NRXN1: variants seen among roughly 807,000 people sequenced by gnomAD.
NRXN1 encodes neurexin 1, also known as neurexin-1.
In NRXN1, 39 loss-of-function variants were observed where a neutral mutation model predicts 150.9. That is an observed-to-expected ratio of 0.26 (90% CI 0.20 to 0.34). NRXN1 has a LOEUF of 0.34. Among genes scored for constraint, NRXN1 ranks in the 10% least tolerant of loss-of-function variants. The pLI, the probability that NRXN1 is intolerant of heterozygous loss-of-function variation, is 1.00. For missense variants in NRXN1, 1,815 were observed against 1,949.9 expected, an observed-to-expected ratio of 0.93 and a Z score of 1.30; for synonymous variants, 924 against 757.0, an observed-to-expected ratio of 1.22 and a Z score of -3.62.
intron 17 of NRXN1, among the ~76,000 whole-genome samples, chr2:50,442,662 A>C (rs554095200): frequency 6.6e-6 from 1 of 152,312 alleles, no homozygotes; most frequent in Admixed American, 6.5e-5. Context: ...TGACAGAAAT[A>C]TCAGAGTTAC....
chr2:50,697,479 C>G (rs1314715284), intron 5 of NRXN1, among the ~76,000 whole-genome samples: 1 of 152,138 alleles, frequency 6.6e-6, no homozygotes. Context: ...TTTAATCAGA[C>G]TGAAAGGAAA....
chr2:49,972,674 T>G (rs1678161068), intron 21 of NRXN1: 1 of 152,172 alleles, frequency 6.6e-6, no homozygotes, highest in African/African-American at 2.4e-5. Context: ...AACACACCAT[T>G]TGTAATCTGG....
chr2:50,718,349 C>A (rs1696145176), intron 5 of NRXN1, among the ~76,000 whole-genome samples: 1 of 152,014 alleles, frequency 6.6e-6, no homozygotes, highest in African/African-American at 2.4e-5. Flanking sequence ...TGTGGATCGA[C>A]ACAAATAACA....
At chr2:50,904,426 A>G (rs1683376513) in intron 5 of NRXN1, among the ~76,000 whole-genome samples, 2 of 152,118 alleles carry the variant, frequency 1.3e-5, no homozygotes, top group South Asian at 4.1e-4. Flanking sequence ...ATCCAAGTTC[A>G]TATTTGGGAA....
chr2:50,148,191 T>C lies in NRXN1; in HGVS notation c.3547-56697A>G, dbSNP rs149987115. Among the ~76,000 whole-genome samples, 626 of 151,758 alleles carry C rather than the reference T, an allele frequency of 4.1e-3. 5 individuals carry two copies. The highest frequency in any genetic ancestry group is 0.014 in the African/African-American group (597 of 41,464). Reference sequence around the variant, plus strand: ...TAATTTTTTTTTAAGTTGTAAGTCATTTGCAACCTAGACACTTACAGAGAT... The same window carrying C: ...TAATTTTTTTTTAAGTTGTAAGTCACTTGCAACCTAGACACTTACAGAGAT... On this transcript the variant is annotated intron_variant, in intron 18 of 22. Coordinates refer to ENST00000401669, the MANE Select transcript of NRXN1 (RefSeq NM_001330078.2).
chr2:50,402,397 T>C lies in NRXN1; in HGVS notation c.3364+63045A>G, dbSNP rs79397746. ...TAAAAACCTTTGCTTCAATGTAAAG[T>C]ATGTTGAACTGTTTCCAATGATGAA... On this transcript the variant is annotated intron_variant, in intron 17 of 22. Coordinates refer to ENST00000401669, the MANE Select transcript of NRXN1 (RefSeq NM_001330078.2). Among the ~76,000 whole-genome samples the C allele has an allele frequency of 2.7e-3, 413 of 152,236 alleles. 2 individuals are homozygous for C. Among genetic ancestry groups the C allele is most frequent in the African/African-American group, 9.5e-3 (393 of 41,566 alleles).
chr2:50,237,647 C>T (rs1426436095), intron 17 of NRXN1, among the ~76,000 whole-genome samples: 1 of 151,738 alleles, frequency 6.6e-6, no homozygotes, highest in Non-Finnish European at 1.5e-5. Flanking sequence ...GAATACAAGC[C>T]TTATAGCACT....
chr2:50,081,734 A>G (rs149323259), intron 19 of NRXN1, among the ~76,000 whole-genome samples: 122 of 152,316 alleles, frequency 8.0e-4, no homozygotes, highest in African/African-American at 2.7e-3. Context: ...ATCATACACC[A>G]AAATACTAGC....
intron 17 of NRXN1, among the ~76,000 whole-genome samples, chr2:50,463,599 C>G (rs1171530034): frequency 6.6e-6 from 1 of 151,702 alleles, no homozygotes; most frequent in Non-Finnish European, 1.5e-5. Flanking sequence ...CACCCAAGAG[C>G]AGCATTAAAA....
intron 18 of NRXN1, among the ~76,000 whole-genome samples, chr2:50,203,007 G>A (rs962512374): frequency 2.0e-5 from 3 of 152,166 alleles, no homozygotes; most frequent in Non-Finnish European, 4.4e-5. Context: ...AGGTCCCAGA[G>A]AGGGCAGCCT....
At chr2:50,232,452 T>A (rs1400126086) in intron 18 of NRXN1, among the ~76,000 whole-genome samples, 1 of 148,756 alleles carries the variant, frequency 6.7e-6, no homozygotes, top group Non-Finnish European at 1.5e-5. Flanking sequence ...AGTGGCACGA[T>A]CTCGGCTCAC....
intron 5 of NRXN1, among the ~76,000 whole-genome samples, chr2:50,701,349 G>GTAT (rs1693717977): frequency 6.6e-6 from 1 of 151,938 alleles, no homozygotes; most frequent in Non-Finnish European, 1.5e-5. Flanking sequence ...TATACAAACA[G>GTAT]TATTATTATT....
intron 22 of NRXN1, among the ~76,000 whole-genome samples, chr2:49,939,526 T>C (rs1221175508): frequency 6.6e-6 from 1 of 152,190 alleles, no homozygotes; most frequent in African/African-American, 2.4e-5. Context: ...TGCAGGACAG[T>C]GTGGCTAAAA....
rs190032640 is a variant in NRXN1, at chr2:49,949,708, A to T, written c.4129-5917T>A. 7.9e-5 allele frequency among the ~76,000 whole-genome samples: 12 copies of T among 151,376 alleles called. No individual in the cohort carries two copies. In the East Asian group the frequency reaches 2.3e-3, roughly 29 times the overall value. ...CTATACCTCTAAATACGAAGCCAAA[A>T]GAATTGTCTCAGACAATGACATGAG... is the stretch of plus-strand genomic sequence containing the variant. On this transcript the variant is annotated intron_variant, in intron 21 of 22. Transcript: ENST00000401669.
At chr2:49,945,238 T>C (rs1201437730) in intron 21 of NRXN1, 1 of 152,260 alleles carries the variant, frequency 6.6e-6, no homozygotes, top group African/African-American at 2.4e-5. Context: ...AAAATATTGG[T>C]TTGCCTGGAA....
intron 17 of NRXN1, among the ~76,000 whole-genome samples, chr2:50,307,778 GTTCCC>G (rs2074770082): frequency 6.6e-6 from 1 of 152,054 alleles, no homozygotes; most frequent in Non-Finnish European, 1.5e-5. Context: ...AATTTCAGAG[GTTCCC>G]TTTATCTTTT....
At chr2:50,402,022 C>A (rs2082422298) in intron 17 of NRXN1, among the ~76,000 whole-genome samples, 1 of 152,080 alleles carries the variant, frequency 6.6e-6, no homozygotes. Flanking sequence ...AGTTGCTCAA[C>A]CTGGACTTGC....
intron 5 of NRXN1, among the ~76,000 whole-genome samples, chr2:50,874,271 G>A (rs1388743824): frequency 3.3e-5 from 5 of 151,744 alleles, no homozygotes; most frequent in East Asian, 1.9e-4. Context: ...CCCTAGCACC[G>A]TTATCTCAGA....
At chr2:50,507,101 T>G (rs1438989211) in intron 12 of NRXN1, among the ~76,000 whole-genome samples, 1 of 152,260 alleles carries the variant, frequency 6.6e-6, no homozygotes, top group African/African-American at 2.4e-5. Context: ...TCGTTTTCAG[T>G]GAGATAAGTC....
Sources: allele counts gnomAD v4.1 joint callset (sites outside exome capture counted in the v4.1 genomes callset), GRCh38; gene constraint gnomAD v4.1.1; transcripts MANE v1.5; gene names NCBI Gene and HGNC (gene_info 2026-07-23, HGNC 2026-07-21).